Variants in PTPRK observed in about 807,000 individuals in gnomAD.
PTPRK encodes receptor-type tyrosine-protein phosphatase kappa.
A neutral mutation model predicts 178.0 loss-of-function variants in PTPRK; 75 were observed. That is an observed-to-expected ratio of 0.42 (90% CI 0.35 to 0.51). The LOEUF (loss-of-function observed/expected upper bound fraction) is 0.51, where lower values mean the gene tolerates loss of function less well. Among genes scored for constraint, PTPRK ranks in the 20% least tolerant of loss-of-function variants. PTPRK has a pLI of 0.02. For synonymous variants in PTPRK, 637 were observed against 620.6 expected, an observed-to-expected ratio of 1.03 and a Z score of -0.39; for missense variants, 1,441 against 1,797.8, an observed-to-expected ratio of 0.80 and a Z score of 3.59.
At chr6:128,217,502 C>G (rs1809548785) in intron 6 of PTPRK, among the ~76,000 whole-genome samples, 1 of 152,050 alleles carries the variant, frequency 6.6e-6, no homozygotes, top group Non-Finnish European at 1.5e-5. Context: ...TTCTGGCTGT[C>G]AATCATTAGA....
intron 5 of PTPRK, among the ~76,000 whole-genome samples, chr6:128,229,198 T>C (rs1275201435): frequency 6.6e-6 from 1 of 152,192 alleles, no homozygotes; most frequent in Non-Finnish European, 1.5e-5. Context: ...ATATTATCCA[T>C]GCAATAGCTA....
chr6:127,998,565 G>A (rs1472716039), intron 16 of PTPRK, among the ~76,000 whole-genome samples, 155 bp downstream of exon 16: 2 of 151,434 alleles, frequency 1.3e-5, no homozygotes, highest in African/African-American at 4.9e-5. Context: ...CCATTCCCAG[G>A]TACACACACT....
intron 2 of PTPRK, among the ~76,000 whole-genome samples, chr6:128,367,443 C>T (rs770580900): frequency 6.6e-6 from 1 of 152,128 alleles, no homozygotes; most frequent in Non-Finnish European, 1.5e-5. Flanking sequence ...AGCCAACTAT[C>T]GACAAATTCA....
At chr6:128,142,424 T>C (rs1342116295) in intron 7 of PTPRK, among the ~76,000 whole-genome samples, 4 of 151,968 alleles carry the variant, frequency 2.6e-5, no homozygotes, top group Non-Finnish European at 2.9e-5. Flanking sequence ...AAATCCATCA[T>C]AGCTTTCAGC....
chr6:128,346,818 CAAAGCACTAAACA>C, intron 2 of PTPRK, among the ~76,000 whole-genome samples: 1 of 152,050 alleles, frequency 6.6e-6, no homozygotes, highest in African/African-American at 2.4e-5. Context: ...AAAACATCAG[CAAAGCACTAAACA>C]TAAGGCTTGA....
intron 7 of PTPRK, among the ~76,000 whole-genome samples, chr6:128,133,198 T>A (rs1794518082): frequency 6.6e-6 from 1 of 152,234 alleles, no homozygotes; most frequent in African/African-American, 2.4e-5. Context: ...TGATACTATA[T>A]AACAATATTA....
At chr6:127,987,400 C>T (rs1049007526) in intron 21 of PTPRK, among the ~76,000 whole-genome samples, 31 of 151,944 alleles carry the variant, frequency 2.0e-4, no homozygotes, top group Admixed American at 7.2e-4. Context: ...TATGCGTATC[C>T]GTAAGTACAC....
At chr6:128,446,503 C>A (rs913822917) in intron 1 of PTPRK, among the ~76,000 whole-genome samples, 12 of 152,108 alleles carry the variant, frequency 7.9e-5, no homozygotes, top group Admixed American at 2.0e-4. Flanking sequence ...GGAAAGCATT[C>A]CTAATTTTTT....
intron 13 of PTPRK, among the ~76,000 whole-genome samples, chr6:128,049,778 C>T (rs1778683752): frequency 6.6e-6 from 1 of 152,144 alleles, no homozygotes; most frequent in Non-Finnish European, 1.5e-5. Flanking sequence ...TTCTTAGCTG[C>T]TAATTTACAA....
chr6:128,216,643 G>A (rs1809365394), intron 6 of PTPRK, among the ~76,000 whole-genome samples: 1 of 151,872 alleles, frequency 6.6e-6, no homozygotes, highest in African/African-American at 2.4e-5. Flanking sequence ...TAATACTGCT[G>A]GAAGAGCATT....
intron 2 of PTPRK, among the ~76,000 whole-genome samples, chr6:128,375,388 G>T (rs1283785642): frequency 2.6e-5 from 4 of 151,626 alleles, no homozygotes; most frequent in Non-Finnish European, 5.9e-5. Flanking sequence ...GAGAGCTTGT[G>T]CAGGGAAACA....
At chr6:128,507,860 T>C (rs1466428627) in intron 1 of PTPRK, among the ~76,000 whole-genome samples, 3 of 152,184 alleles carry the variant, frequency 2.0e-5, no homozygotes, top group Non-Finnish European at 4.4e-5. Flanking sequence ...AAAACAAATG[T>C]GCTCTCTCCT....
At chr6:128,056,318 A>C (rs1391491647) in intron 13 of PTPRK, among the ~76,000 whole-genome samples, 1 of 152,096 alleles carries the variant, frequency 6.6e-6, no homozygotes, top group African/African-American at 2.4e-5. Context: ...GTTCAATGCT[A>C]TATCTACTTA....
intron 7 of PTPRK, among the ~76,000 whole-genome samples, chr6:128,105,111 CG>C (rs1460216188): frequency 6.6e-6 from 1 of 151,332 alleles, no homozygotes; most frequent in Non-Finnish European, 1.5e-5. Flanking sequence ...GGGCAAGAAA[CG>C]TATTACCTCA....
intron 1 of PTPRK, among the ~76,000 whole-genome samples, chr6:128,510,708 A>G (rs1562670288): frequency 1.3e-5 from 2 of 152,222 alleles, no homozygotes; most frequent in Admixed American, 6.5e-5. Context: ...ATTCACAGAC[A>G]TATTATCACC....
intron 8 of PTPRK, among the ~76,000 whole-genome samples, chr6:128,088,224 A>G (rs1478363107): frequency 2.0e-5 from 3 of 152,086 alleles, no homozygotes; most frequent in Admixed American, 2.0e-4. Flanking sequence ...TTAAAAATAC[A>G]AAAGTTAGCA....
At chr6:128,208,223 T>C (rs906886362) in intron 6 of PTPRK, among the ~76,000 whole-genome samples, 6 of 151,446 alleles carry the variant, frequency 4.0e-5, no homozygotes, top group Non-Finnish European at 8.8e-5. Context: ...TAAGTAAATA[T>C]TTTCAAACCA....
At chr6:128,118,147 G>A (rs112904306) in intron 7 of PTPRK, among the ~76,000 whole-genome samples, 3,909 of 152,216 alleles carry the variant, frequency 0.026, 76 homozygotes, top group Middle Eastern at 0.092. Context: ...ATACATAATA[G>A]TCATAGTGAC....
chr6:128,397,805 A>G, intron 1 of PTPRK, 117 bp from the exon 2 acceptor site: 1 of 950,910 alleles, frequency 1.1e-6, no homozygotes, highest in Admixed American at 2.4e-5. Context: ...CTTAATAATA[A>G]ATGGTACTCC....
Sources: gnomAD v4.1 joint callset for allele counts (sites outside exome capture counted in the v4.1 genomes callset) on GRCh38, gnomAD v4.1.1 for gene constraint, MANE v1.5 for transcripts, NCBI Gene and HGNC (gene_info 2026-07-23, HGNC 2026-07-21) for gene names.